TCF7L1: variants seen among roughly 807,000 people sequenced by gnomAD.
TCF7L1 encodes transcription factor 7-like 1.
In TCF7L1, 18 loss-of-function variants were observed where a neutral mutation model predicts 63.7. The observed-to-expected ratio is 0.28, with a 90% confidence interval of 0.20 to 0.42. The LOEUF (loss-of-function observed/expected upper bound fraction) is 0.42. Among genes scored for constraint, TCF7L1 ranks in the 10% least tolerant of loss-of-function variants. The pLI is 1.00. For missense variants in TCF7L1, 654 were observed against 779.3 expected, an observed-to-expected ratio of 0.84 and a Z score of 1.91; for synonymous variants, 355 against 340.9, an observed-to-expected ratio of 1.04 and a Z score of -0.46.
At chr2:85,198,432 C>G (rs1679204508) in intron 3 of TCF7L1, among the ~76,000 whole-genome samples, 1 of 152,322 alleles carries the variant, frequency 6.6e-6, no homozygotes, top group African/African-American at 2.4e-5. Flanking sequence ...GGCTCCCTCA[C>G]TTCTGGTCTC....
chr2:85,271,592 C>T (rs538157363), intron 3 of TCF7L1, among the ~76,000 whole-genome samples: 9 of 152,326 alleles, frequency 5.9e-5, no homozygotes, highest in South Asian at 4.1e-4. Context: ...AGTTGTAACA[C>T]GATAATTCTT....
intron 3 of TCF7L1, among the ~76,000 whole-genome samples, 171 bp from the exon 4 acceptor site, chr2:85,283,324 T>C (rs1681467711): frequency 6.7e-6 from 1 of 148,850 alleles, no homozygotes; most frequent in Admixed American, 6.7e-5. Flanking sequence ...AAATATATGC[T>C]CGCTCCTGTT....
At chr2:85,142,865 G>T (rs1039586051) in intron 3 of TCF7L1, among the ~76,000 whole-genome samples, 4 of 152,198 alleles carry the variant, frequency 2.6e-5, no homozygotes, top group Admixed American at 2.0e-4. Context: ...GACTCACAAG[G>T]TGTTAGCAAT....
chr2:85,239,928 A>G (rs1313920558), intron 3 of TCF7L1, among the ~76,000 whole-genome samples: 1 of 146,746 alleles, frequency 6.8e-6, no homozygotes, highest in East Asian at 2.0e-4. Flanking sequence ...CCTGGGCAAC[A>G]GAGCGAGACT....
intron 3 of TCF7L1, among the ~76,000 whole-genome samples, chr2:85,242,859 A>G (rs946673125): frequency 3.3e-5 from 5 of 152,168 alleles, no homozygotes; most frequent in Non-Finnish European, 7.3e-5. Context: ...GTTTTACCTC[A>G]GCCTTTCCTA....
chr2:85,302,718 A>G (rs1167460852), intron 5 of TCF7L1, 102 bp downstream of exon 5: 4 of 1,437,748 alleles, frequency 2.8e-6, no homozygotes, highest in Non-Finnish European at 3.7e-6. Flanking sequence ...GGTTCAAATC[A>G]TGGCTCTTTG....
At chr2:85,138,117 T>C (rs968061309) in intron 3 of TCF7L1, among the ~76,000 whole-genome samples, 1 of 152,128 alleles carries the variant, frequency 6.6e-6, no homozygotes, top group Non-Finnish European at 1.5e-5. Context: ...GAGTCTGTGG[T>C]TTTTGTGTCC....
chr2:85,297,107 G>A (rs1357047004), intron 4 of TCF7L1, among the ~76,000 whole-genome samples: 1 of 152,160 alleles, frequency 6.6e-6, no homozygotes, highest in South Asian at 2.1e-4. Context: ...TAACCTTAGG[G>A]CTGTCTTTTG....
At chr2:85,143,903 A>G (rs1401822184) in intron 3 of TCF7L1, among the ~76,000 whole-genome samples, 1 of 152,230 alleles carries the variant, frequency 6.6e-6, no homozygotes, top group Non-Finnish European at 1.5e-5. Flanking sequence ...CCCCCAGTGC[A>G]GTGCCCCAGA....
intron 3 of TCF7L1, among the ~76,000 whole-genome samples, chr2:85,161,003 C>A (rs57405882): frequency 6.6e-6 from 1 of 152,244 alleles, no homozygotes. Context: ...CCACAGTCCA[C>A]TGGCCCACAG....
intron 3 of TCF7L1, among the ~76,000 whole-genome samples, chr2:85,226,843 A>T (rs1396975335): frequency 7.4e-6 from 1 of 134,798 alleles, no homozygotes; most frequent in Non-Finnish European, 1.6e-5. Context: ...TTAACCTCCC[A>T]GTGCACCACT....
At chr2:85,256,579 T>C (rs1680725064) in intron 3 of TCF7L1, among the ~76,000 whole-genome samples, 1 of 152,022 alleles carries the variant, frequency 6.6e-6, no homozygotes, top group African/African-American at 2.4e-5. Flanking sequence ...CTGGGAGGGG[T>C]CGGCTCACAG....
At chr2:85,190,934 G>A (rs950328782) in intron 3 of TCF7L1, among the ~76,000 whole-genome samples, 5 of 152,158 alleles carry the variant, frequency 3.3e-5, no homozygotes, top group African/African-American at 4.8e-5. Context: ...CAGTGGAAAC[G>A]GGGGCTTAGG....
At chr2:85,139,885 AC>A (rs2104184098) in intron 3 of TCF7L1, among the ~76,000 whole-genome samples, 2 of 152,334 alleles carry the variant, frequency 1.3e-5, no homozygotes, top group South Asian at 4.1e-4. Context: ...GCAGCAGAGA[AC>A]CATCAGAAGT....
chr2:85,248,928 T>C (rs1259380006), intron 3 of TCF7L1, among the ~76,000 whole-genome samples: 1 of 151,788 alleles, frequency 6.6e-6, no homozygotes, highest in Non-Finnish European at 1.5e-5. Flanking sequence ...CCGTGCCTCC[T>C]CCCAGACTCT....
intron 3 of TCF7L1, among the ~76,000 whole-genome samples, chr2:85,135,065 C>A (rs1413106195): frequency 6.6e-6 from 1 of 152,180 alleles, no homozygotes; most frequent in African/African-American, 2.4e-5. Context: ...CCTTTTGTCG[C>A]CTGCTTTTCT....
intron 3 of TCF7L1, among the ~76,000 whole-genome samples, chr2:85,178,787 G>C (rs767796583): frequency 1.8e-4 from 28 of 152,148 alleles, no homozygotes; most frequent in Non-Finnish European, 4.0e-4. Flanking sequence ...GAACCACAGA[G>C]ACAAGACAGG....
At chr2:85,241,748 G>A (rs72840003) in intron 3 of TCF7L1, among the ~76,000 whole-genome samples, 8,154 of 152,058 alleles carry the variant, frequency 0.054, 282 homozygotes, top group Non-Finnish European at 0.077. Context: ...CCCAACCTGG[G>A]TACACTTTCA....
chr2:85,253,769 A>G (rs1680645280), intron 3 of TCF7L1, among the ~76,000 whole-genome samples: 1 of 152,198 alleles, frequency 6.6e-6, no homozygotes, highest in Non-Finnish European at 1.5e-5. Flanking sequence ...CTAAGCGTTC[A>G]CTCAGTTAAA....
Sources: gnomAD v4.1 joint callset for allele counts (sites outside exome capture counted in the v4.1 genomes callset) on GRCh38, gnomAD v4.1.1 for gene constraint, MANE v1.5 for transcripts, NCBI Gene and HGNC (gene_info 2026-07-23, HGNC 2026-07-21) for gene names.